The following OTUD7A variants were observed in gnomAD, a reference collection of about 807,000 sequenced individuals.
OTUD7A encodes the protein OTU deubiquitinase 7A.
In OTUD7A, 12 loss-of-function variants were observed where a neutral mutation model predicts 65.7. The observed-to-expected ratio is 0.18, with a 90% CI of 0.12 to 0.30. The LOEUF (loss-of-function observed/expected upper bound fraction) is 0.30, where lower values mean the gene tolerates loss of function less well. Ranked by LOEUF, OTUD7A falls within the 10% of genes least tolerant of loss-of-function variation. The pLI, the probability that OTUD7A is intolerant of heterozygous loss-of-function variation, is 1.00. For synonymous variants in OTUD7A, 641 were observed against 586.3 expected, an observed-to-expected ratio of 1.09 and a Z score of -1.35; for missense variants, 1,148 against 1,304.8, an observed-to-expected ratio of 0.88 and a Z score of 1.85.
intron 1 of OTUD7A, among the ~76,000 whole-genome samples, chr15:31,764,856 C>A (rs1232859300): frequency 2.6e-5 from 4 of 152,114 alleles, no homozygotes; most frequent in African/African-American, 9.7e-5. Context: ...CCTGTTCCAT[C>A]ATCATAGAAG....
chr15:31,629,208 A>C (rs1352124666), intron 3 of OTUD7A, among the ~76,000 whole-genome samples: 3 of 152,160 alleles, frequency 2.0e-5, no homozygotes, highest in Non-Finnish European at 4.4e-5. Context: ...TTGCCCATTC[A>C]GTATGATATT....
chr15:31,550,775 C>T (rs534981349), intron 5 of OTUD7A, among the ~76,000 whole-genome samples: 1 of 152,248 alleles, frequency 6.6e-6, no homozygotes, highest in African/African-American at 2.4e-5. Context: ...GTCCTTTAGC[C>T]CAAGGATATT....
chr15:31,567,021 C>G (rs938858620), intron 4 of OTUD7A, among the ~76,000 whole-genome samples: 3 of 152,176 alleles, frequency 2.0e-5, no homozygotes, highest in African/African-American at 7.2e-5. Flanking sequence ...CACAGAAAAT[C>G]AGTACCAAGG....
intron 4 of OTUD7A, among the ~76,000 whole-genome samples, chr15:31,564,020 G>C (rs1888781993): frequency 6.6e-6 from 1 of 152,114 alleles, no homozygotes; most frequent in African/African-American, 2.4e-5. Context: ...ATTAAAAAAT[G>C]AGCCTAGTAA....
intron 1 of OTUD7A, among the ~76,000 whole-genome samples, chr15:31,746,098 G>A (rs1391311006): frequency 6.6e-6 from 1 of 152,200 alleles, no homozygotes; most frequent in Non-Finnish European, 1.5e-5. Flanking sequence ...ACATAGAAAT[G>A]ATGCCACTCA....
intron 1 of OTUD7A, among the ~76,000 whole-genome samples, chr15:31,833,398 T>C (rs1022006244): frequency 2.6e-5 from 4 of 152,238 alleles, no homozygotes; most frequent in Non-Finnish European, 5.9e-5. Context: ...CAGATTTCTT[T>C]ATGCTCCAAT....
intron 1 of OTUD7A, among the ~76,000 whole-genome samples, chr15:31,830,239 T>C (rs1896897454): frequency 6.6e-6 from 1 of 152,202 alleles, no homozygotes; most frequent in Non-Finnish European, 1.5e-5. Context: ...AAACGTTCTG[T>C]TCATCAATGC....
intron 1 of OTUD7A, among the ~76,000 whole-genome samples, chr15:31,659,841 G>A (rs1011847841): frequency 6.6e-6 from 1 of 152,258 alleles, no homozygotes; most frequent in Non-Finnish European, 1.5e-5. Flanking sequence ...CAGGGATAAG[G>A]GAACAGAGGG....
rs370985749 is a variant in OTUD7A, at chr15:31,710,432, T to G, written c.-99-53355A>C. On this transcript the variant is annotated intron_variant, in intron 1 of 12. Transcript: ENST00000307050. Reference sequence around the variant, plus strand: ...CACCCACCACTGGGCCACCAGGACATGAATTTCACCCAGCCGCACGGCCAT... The same window carrying G: ...CACCCACCACTGGGCCACCAGGACAGGAATTTCACCCAGCCGCACGGCCAT... 3.3e-5 allele frequency among the ~76,000 whole-genome samples: 5 copies of G among 150,774 alleles called. No homozygotes were observed. The East Asian group carries it at 5.9e-4, about 18-fold the overall frequency.
chr15:31,523,172 A>AG (rs1199914958), intron 8 of OTUD7A, among the ~76,000 whole-genome samples: 6 of 152,242 alleles, frequency 3.9e-5, no homozygotes, highest in African/African-American at 1.4e-4. Context: ...ATCAGCCCCA[A>AG]GCTTGAGCCT....
chr15:31,480,814 G>A lies in OTUD7A; in HGVS notation c.*2480C>T, dbSNP rs994089674. On this transcript the variant is annotated 3_prime_UTR_variant, in exon 13 of 13. Transcript: ENST00000307050. ...TAAGTCATGTGGACTGAGTGGTAATGTATCAGCCTGGAGCAGGTGTCTACA... is the reference window on the plus strand; with the variant it reads ...TAAGTCATGTGGACTGAGTGGTAATATATCAGCCTGGAGCAGGTGTCTACA... 1.3e-5 allele frequency: 2 copies of A among 152,260 alleles called. No homozygotes were observed. Among genetic ancestry groups the A allele is most frequent in the African/African-American group, 4.8e-5 (2 of 41,464 alleles). The allele number at this position is 152,260 out of a possible 1,614,324, so 9.4% of individuals were successfully genotyped here. A position where few individuals can be genotyped will look rare whatever the true frequency, so the allele number is the denominator to read the frequency against.
chr15:31,511,064 CAT>C lies in OTUD7A; in HGVS notation c.894-7248_894-7247del, dbSNP rs200517862. 7.1e-5 allele frequency among the ~76,000 whole-genome samples: 4 copies of C among 56,722 alleles called. 2 individuals are homozygous for C. Among genetic ancestry groups the C allele is most frequent in the Non-Finnish European group, 1.3e-4 (4 of 31,056 alleles). The allele number at this position is 56,722 out of a possible 152,430, so 37.2% of individuals were successfully genotyped here. On this transcript the variant is annotated intron_variant, in intron 8 of 12. Transcript: ENST00000307050. ...TACATGTATATCTATATGTAACATA[CAT>C]ATATATGTATATCTATATGTAACAT...
chr15:31,864,619 A>T (rs976538831), intron 1 of OTUD7A, among the ~76,000 whole-genome samples: 1 of 152,158 alleles, frequency 6.6e-6, no homozygotes, highest in Non-Finnish European at 1.5e-5. Context: ...CCCACAACAC[A>T]TGGAAGTTCT....
chr15:31,826,095 G>A (rs1379590696), intron 1 of OTUD7A, among the ~76,000 whole-genome samples: 4 of 152,194 alleles, frequency 2.6e-5, no homozygotes, highest in South Asian at 4.1e-4. Flanking sequence ...CTGGGGTCTG[G>A]AAGATGGTGG....
intron 1 of OTUD7A, among the ~76,000 whole-genome samples, chr15:31,760,585 T>C (rs528558286): frequency 6.6e-6 from 1 of 152,332 alleles, no homozygotes; most frequent in South Asian, 2.1e-4. Context: ...AGATATCCCA[T>C]ATTCATGGGC....
chr15:31,668,692 C>T (rs1892395234), intron 1 of OTUD7A, among the ~76,000 whole-genome samples: 1 of 152,108 alleles, frequency 6.6e-6, no homozygotes, highest in East Asian at 1.9e-4. Context: ...TGCTGGTGAA[C>T]TAGTGTGATT....
At chr15:31,525,969 C>T (rs1353261362) in intron 8 of OTUD7A, among the ~76,000 whole-genome samples, 3 of 152,198 alleles carry the variant, frequency 2.0e-5, no homozygotes, top group Non-Finnish European at 4.4e-5. Flanking sequence ...CAGGTTCGTG[C>T]GATGGCAATG....
intron 1 of OTUD7A, among the ~76,000 whole-genome samples, chr15:31,686,448 C>G (rs990740513): frequency 1.3e-5 from 2 of 152,254 alleles, no homozygotes; most frequent in African/African-American, 4.8e-5. Context: ...AAGTGAAACT[C>G]AGTGATTTCC....
intron 1 of OTUD7A, among the ~76,000 whole-genome samples, chr15:31,782,111 G>T (rs1365049225): frequency 6.6e-6 from 1 of 152,212 alleles, no homozygotes; most frequent in African/African-American, 2.4e-5. Flanking sequence ...CAGACGTGAC[G>T]CACAGTGACA....
Sources: allele counts gnomAD v4.1 joint callset (sites outside exome capture counted in the v4.1 genomes callset), GRCh38; gene constraint gnomAD v4.1.1; transcripts MANE v1.5; gene names NCBI Gene and HGNC (gene_info 2026-07-23, HGNC 2026-07-21).